TUB: variants seen among roughly 807,000 people sequenced by gnomAD.
The protein encoded by TUB is tubby protein homolog.
TUB carries 33 observed loss-of-function variants against 59.7 expected under a neutral mutation model. The observed-to-expected ratio is 0.55, with a 90% CI of 0.42 to 0.74. The LOEUF is 0.74. Ranked by LOEUF, TUB falls within the 30% of genes least tolerant of loss-of-function variation. TUB has a pLI of 0.00. For synonymous variants in TUB, 293 were observed against 256.4 expected (o/e 1.14, Z -1.36); for missense variants, 659 against 672.0 (o/e 0.98, Z 0.21).
chr11:8,076,033 C>T (rs898994712), intron 2 of TUB: 2 of 152,184 alleles, frequency 1.3e-5, no homozygotes, highest in African/African-American at 4.8e-5. Flanking sequence ...TCCCCGTAGC[C>T]GATCCTATGG....
Position 8,101,610 on chromosome 11 carries a change from G to A in TUB, c.1512G>A (p.Ala504=), listed in dbSNP as rs186542220. Residue 504 remains alanine (A), a synonymous_variant, in exon 12 of 12, where the codon GCG becomes GCA. Coordinates refer to ENST00000299506, the MANE Select transcript of TUB (RefSeq NM_177972.3). ...TGTCCAGCTTCGACAGCAAGCTGGCGTGCGAGTAGAGGCCTCTTCGTGCCC... is the reference window on the plus strand; with the variant it reads ...TGTCCAGCTTCGACAGCAAGCTGGCATGCGAGTAGAGGCCTCTTCGTGCCC... ...IALSSFDSKL[A]CE is the part of the protein sequence containing the mutation. 1.3e-4 allele frequency: 207 copies of A among 1,614,228 alleles called. No homozygotes were observed. Among genetic ancestry groups the A allele is most frequent in the East Asian group, 7.1e-4 (32 of 44,890 alleles).
chr11:8,026,447 C>T (rs1384442150), intron 1 of TUB, among the ~76,000 whole-genome samples: 1 of 142,416 alleles, frequency 7.0e-6, no homozygotes, highest in East Asian at 2.1e-4. Flanking sequence ...TTTGAGTTAA[C>T]TTTTTGCATA....
In TUB at chr11:8,075,047, C is replaced by T. The variant is rs545166626; in HGVS notation, c.204-14563C>T. 6.0e-4 allele frequency among the ~76,000 whole-genome samples: 91 copies of T among 151,520 alleles called. 1 individual carries two copies. The South Asian group carries it at 0.017, about 29-fold the overall frequency. On this transcript the variant is annotated intron_variant, in intron 2 of 12. Transcript: ENST00000305253. ...GGCAGGAGCCACTGTGCCAGGCCAA[C>T]CCTGTCTCATAAAAACAAAAATTCC...
intron 2 of TUB, chr11:8,068,291 G>A (rs72848432): frequency 0.057 from 8,708 of 152,384 alleles, 325 homozygotes; most frequent in Non-Finnish European, 0.088. Flanking sequence ...CTCCTGGGCC[G>A]CATCTAGCTC....
At chr11:8,051,003 C>T (rs1289580064) in intron 2 of TUB, among the ~76,000 whole-genome samples, 3 of 152,172 alleles carry the variant, frequency 2.0e-5, no homozygotes, top group Non-Finnish European at 4.4e-5. Flanking sequence ...AGCTAACGGC[C>T]AGGACCAGTT....
At chr11:8,091,046 G>A (rs957807311) in intron 3 of TUB, among the ~76,000 whole-genome samples, 1 of 152,110 alleles carries the variant, frequency 6.6e-6, no homozygotes, top group African/African-American at 2.4e-5. Context: ...TTTGCGGTTA[G>A]GAAGAACCTT....
intron 1 of TUB, among the ~76,000 whole-genome samples, chr11:8,086,356 TGAG>T (rs796864400): frequency 2.0e-5 from 3 of 151,768 alleles, no homozygotes; most frequent in African/African-American, 7.2e-5. Context: ...GGGGTGGAGA[TGAG>T]GAGGAAGGGC....
intron 5 of TUB, among the ~76,000 whole-genome samples, chr11:8,096,277 C>T (rs1211333277): frequency 6.6e-6 from 1 of 152,216 alleles, no homozygotes; most frequent in Non-Finnish European, 1.5e-5. Context: ...ATTCCGTGGT[C>T]TATGCCAGCC....
Position 8,101,488 on chromosome 11 carries a change from G to C in TUB, c.1390G>C (p.Asp464His). Residue 464 changes from aspartate (D) to histidine (H), a missense_variant and splice_region_variant, in exon 12 of 12, where the codon GAC becomes CAC. By Grantham distance (81) the Asp-to-His change is moderately conservative. Coordinates refer to ENST00000299506, the MANE Select transcript of TUB (RefSeq NM_177972.3). ...TCTGTGCCTGTGCTTGGCCCCAGCG[G>C]ACTACATCGTGATGCAGTTTGGCCG... ...NFQIIHGNDP[D>H]YIVMQFGRVA... The C allele has an allele frequency of 6.2e-7, 1 of 1,614,156 alleles. No homozygotes were observed. The highest frequency in any genetic ancestry group is 8.5e-7 in the Non-Finnish European group (1 of 1,180,020).
At chr11:8,086,256 TCGTTTAGGTC>T (rs1432086172) in intron 1 of TUB, among the ~76,000 whole-genome samples, 1 of 152,188 alleles carries the variant, frequency 6.6e-6, no homozygotes. Context: ...TGTGTGGTTA[TCGTTTAGGTC>T]AGCCTAGAAC....
intron 1 of TUB, among the ~76,000 whole-genome samples, chr11:8,039,263 T>TC (rs1942701754): frequency 6.6e-6 from 1 of 151,180 alleles, no homozygotes; most frequent in African/African-American, 2.4e-5. Context: ...CTCAGGGAGG[T>TC]CCCCCACCAT....
At position 8,094,407 on chromosome 11, in the gene TUB, G is replaced by T. The variant is rs528065659; in HGVS notation, c.397+218G>T. 2.5e-4 allele frequency among the ~76,000 whole-genome samples: 38 copies of T among 152,208 alleles called. No individual in the cohort carries two copies. In the South Asian group the frequency reaches 7.3e-3, roughly 29 times the overall value. ...TGGGTGTGGGCATGCCTACCACACT[G>T]CCAGGAAGTGAAGTCCTGCTCAGCT... On this transcript the variant is annotated intron_variant, in intron 4 of 11. Transcript: ENST00000299506.
At chr11:8,079,278 C>T (rs867585645), upstream of TUB, among the ~76,000 whole-genome samples, 10 of 152,218 alleles carry the variant, frequency 6.6e-5, no homozygotes, top group South Asian at 1.0e-3. Context: ...GCCTGGAGGG[C>T]GCGGCCTCCA....
rs559270172 is a variant in TUB, at chr11:8,101,857, C to A, written c.*238C>A. The A allele has an allele frequency of 3.5e-6, 2 of 576,042 alleles. No individual in the cohort carries two copies. Among genetic ancestry groups the A allele is most frequent in the Middle Eastern group, 4.9e-4 (1 of 2,022 alleles). The allele number at this position is 576,042 out of a possible 1,614,324, so 35.7% of individuals were successfully genotyped here. ...AGGGATGAGAATAATTCTTTCCATGCCACGAGATCAACACACACTCCCACC... is the reference window on the plus strand; with the variant it reads ...AGGGATGAGAATAATTCTTTCCATGACACGAGATCAACACACACTCCCACC... On this transcript the variant is annotated 3_prime_UTR_variant, in exon 12 of 12. Coordinates refer to ENST00000299506, the MANE Select transcript of TUB (RefSeq NM_177972.3).
intron 2 of TUB, among the ~76,000 whole-genome samples, chr11:8,063,535 G>T (rs1943173760): frequency 6.6e-6 from 1 of 152,172 alleles, no homozygotes; most frequent in African/African-American, 2.4e-5. Flanking sequence ...GACTGCACAT[G>T]TCCACACCTC....
intron 2 of TUB, among the ~76,000 whole-genome samples, chr11:8,070,723 A>T (rs1220288690): frequency 2.6e-5 from 4 of 152,160 alleles, no homozygotes; most frequent in African/African-American, 9.7e-5. Context: ...CGGGGCAGGG[A>T]TGGGAAGTGG....
intron 8 of TUB, among the ~76,000 whole-genome samples, chr11:8,098,428 C>G (rs1192432351): frequency 2.6e-5 from 4 of 152,226 alleles, no homozygotes; most frequent in Non-Finnish European, 1.5e-5. Flanking sequence ...GCCTCTTCCA[C>G]TGTCTTATCA....
chr11:8,066,110 G>T (rs1943237421), intron 2 of TUB, among the ~76,000 whole-genome samples: 3 of 152,166 alleles, frequency 2.0e-5, no homozygotes, highest in Admixed American at 2.0e-4. Context: ...GGCCCGGGGG[G>T]AGGCTGCCCT....
rs1944314589 is a variant in TUB, at chr11:8,101,675, CCTGT to C, written c.*57_*60del. On this transcript the variant is annotated 3_prime_UTR_variant, in exon 12 of 12. Transcript: ENST00000299506. ...GCCTGGAGCGGAGCTTGCCTGCCTG[CCTGT>C]GGAGACAGCCCTGCCTATCCTCTGT... The C allele has an allele frequency of 1.3e-6, 2 of 1,594,634 alleles. No homozygotes were observed. Among genetic ancestry groups the C allele is most frequent in the Non-Finnish European group, 1.7e-6 (2 of 1,171,022 alleles).
Sources: gnomAD v4.1 joint callset for allele counts (sites outside exome capture counted in the v4.1 genomes callset) on GRCh38, gnomAD v4.1.1 for gene constraint, MANE v1.5 for transcripts, NCBI Gene and HGNC (gene_info 2026-07-23, HGNC 2026-07-21) for gene names.